MAP6D1: variants seen among roughly 807,000 people sequenced by gnomAD.
MAP6D1 encodes MAP6 domain containing 1, also known as MAP6 domain-containing protein 1.
Under a neutral mutation model 17.4 loss-of-function variants are expected in MAP6D1, and 13 were observed. The observed-to-expected ratio is 0.75, with a 90% CI of 0.49 to 1.19. The LOEUF is 1.19. Ranked by LOEUF, MAP6D1 falls within the 50% of genes most tolerant of loss-of-function variation. The pLI, the probability that MAP6D1 is intolerant of heterozygous loss-of-function variation, is 0.00. For synonymous variants in MAP6D1, 141 were observed against 145.7 expected (o/e 0.97, Z 0.23); for missense variants, 313 against 312.6 (o/e 1.00, Z -0.01).
Position 183,825,534 on chromosome 3 carries a change from C to A in MAP6D1, c.14G>T (p.Cys5Phe). 1 of 1,308,978 alleles carries A rather than the reference C, an allele frequency of 7.6e-7. No individual in the cohort carries two copies. The highest frequency in any genetic ancestry group is 9.7e-7 in the Non-Finnish European group (1 of 1,031,048). 81.1% of individuals were successfully genotyped at this position (1,308,978 alleles called of 1,614,324 possible). The change falls in exon 1 of 3, where the codon TGT becomes TTT. Residue 5 changes from cysteine (C) to phenylalanine (F), a missense_variant. Physicochemically the swap from Cys to Phe is radical, Grantham distance 205. Coordinates refer to ENST00000318631, the MANE Select transcript of MAP6D1 (RefSeq NM_024871.4). MAWP[C>F]ISRLCCLARR... is the part of the protein sequence containing the mutation. ...CGCCAGGCAGCACAGGCGGCTGATACAGGGCCACGCCATGCCAGCCCCGGC... is the reference window on the plus strand; with the variant it reads ...CGCCAGGCAGCACAGGCGGCTGATAAAGGGCCACGCCATGCCAGCCCCGGC...
chr3:183,818,594 G>A (rs1275035330), intron 1 of MAP6D1, among the ~76,000 whole-genome samples: 1 of 152,226 alleles, frequency 6.6e-6, no homozygotes, highest in East Asian at 1.9e-4. Flanking sequence ...CATGGTGACT[G>A]CTTATGCCTG....
In MAP6D1 at chr3:183,816,876, T is replaced by C. The variant is rs750252262; in HGVS notation, c.*480A>G. On this transcript the variant is annotated 3_prime_UTR_variant, in exon 3 of 3. Transcript: ENST00000318631. Reference sequence around the variant, plus strand: ...AGTCATGCAGGTGACGGCCCAAGATTCCAACAGCTTCAACTGCAGGGGCCA... The same window carrying C: ...AGTCATGCAGGTGACGGCCCAAGATCCCAACAGCTTCAACTGCAGGGGCCA... 38 of 164,586 alleles carry C rather than the reference T, an allele frequency of 2.3e-4. No homozygotes were observed. The highest frequency in any genetic ancestry group is 3.0e-3 in the Middle Eastern group (1 of 328). The allele number at this position is 164,586 out of a possible 1,614,324, so 10.2% of individuals were successfully genotyped here.
rs1420868676 is a variant in MAP6D1, at chr3:183,825,538, G to A, written c.10C>T (p.Pro4Ser). The change falls in exon 1 of 3, where the codon CCC becomes TCC. Residue 4 changes from proline (P) to serine (S), a missense_variant. Physicochemically the swap from Pro to Ser is moderately conservative, Grantham distance 74. Coordinates refer to ENST00000318631, the MANE Select transcript of MAP6D1 (RefSeq NM_024871.4). Reference protein sequence around the residue: MAWPCISRLCCLAR... With the variant: MAWSCISRLCCLAR... ...AGGCAGCACAGGCGGCTGATACAGGGCCACGCCATGCCAGCCCCGGCGCCC... is the reference window on the plus strand; with the variant it reads ...AGGCAGCACAGGCGGCTGATACAGGACCACGCCATGCCAGCCCCGGCGCCC... The A allele has an allele frequency of 1.6e-6, 2 of 1,247,060 alleles. No homozygotes were observed. Among genetic ancestry groups the A allele is most frequent in the Non-Finnish European group, 2.0e-6 (2 of 997,308 alleles). The allele number at this position is 1,247,060 out of a possible 1,614,324, so 77.2% of individuals were successfully genotyped here.
In MAP6D1 at chr3:183,818,028, G is replaced by A. The variant is rs200895198; in HGVS notation, c.485C>T (p.Ser162Leu). The stretch of plus-strand genomic sequence containing the variant: ...GGCCCCAGGGCTGCTGTCCCATCCC[G>A]AAGTGTGGGTTGTGATGACTCGGGC... The part of the protein sequence containing the change: ...KPARVITTHT[S>L]GWDSSPGAGF... Residue 162 changes from serine (S) to leucine (L), a missense_variant, in exon 2 of 3, where the codon TCG becomes TTG. By Grantham distance (145) the Ser-to-Leu change is moderately radical (BLOSUM62 -2). Transcript: ENST00000318631. 1.4e-5 allele frequency: 23 copies of A among 1,614,146 alleles called. No homozygotes were observed. Among genetic ancestry groups the A allele is most frequent in the East Asian group, 2.2e-5 (1 of 44,882 alleles).
At chr3:183,819,310 G>C (rs908259377) in intron 1 of MAP6D1, among the ~76,000 whole-genome samples, 1 of 152,262 alleles carries the variant, frequency 6.6e-6, no homozygotes, top group African/African-American at 2.4e-5. Flanking sequence ...AGCTTCTGAA[G>C]ACCAGCTGCC....
intron 1 of MAP6D1, among the ~76,000 whole-genome samples, chr3:183,820,763 C>G (rs1341511205): frequency 2.0e-5 from 3 of 151,830 alleles, no homozygotes; most frequent in Non-Finnish European, 4.4e-5. Flanking sequence ...AAAAATTAGC[C>G]AGGCATGGTG....
At chr3:183,823,037 C>T (rs1727295295) in intron 1 of MAP6D1, among the ~76,000 whole-genome samples, 1 of 152,234 alleles carries the variant, frequency 6.6e-6, no homozygotes, top group African/African-American at 2.4e-5. Context: ...GCTCTGTTGC[C>T]TAGGTGGAGT....
In MAP6D1 at chr3:183,818,050, G is replaced by T; in HGVS notation, c.463C>A (p.Arg155=). The T allele has an allele frequency of 1.2e-6, 2 of 1,614,114 alleles. No individual in the cohort carries two copies. The highest frequency in any genetic ancestry group is 1.3e-5 in the African/African-American group (1 of 75,020). The change falls in exon 2 of 3, where the codon CGA becomes AGA. Residue 155 remains arginine (R), a synonymous_variant. Transcript: ENST00000318631. ...PSRSTKTKPA[R]VITTHTSGWD... is the part of the protein sequence containing the mutation. The stretch of plus-strand genomic sequence containing the variant: ...CCCGAAGTGTGGGTTGTGATGACTC[G>T]GGCTGGTTTTGTCTTTGTGGATCTT...
chr3:183,823,962 G>C (rs1727314668), intron 1 of MAP6D1, among the ~76,000 whole-genome samples: 1 of 152,210 alleles, frequency 6.6e-6, no homozygotes. Flanking sequence ...GTGCTTATTT[G>C]AGCATATGTG....
rs1727358972 is a variant in MAP6D1, at chr3:183,825,243, G to GCGGAGGATTTGCC, written c.292_304dup (p.Ala102GlyfsTer87). 12 of 1,382,718 alleles carry GCGGAGGATTTGCC rather than the reference G, an allele frequency of 8.7e-6. No homozygotes were observed. Among genetic ancestry groups the GCGGAGGATTTGCC allele is most frequent in the Non-Finnish European group, 1.1e-5 (12 of 1,068,504 alleles). 85.7% of individuals were successfully genotyped at this position (1,382,718 alleles called of 1,614,324 possible). On this transcript the variant is annotated frameshift_variant, in exon 1 of 3. Transcript: ENST00000318631. LOFTEE classifies it high-confidence loss of function. ...GGGCGCAGGTGGCGCGGAGGACTGC[G>GCGGAGGATTTGCC]CGGAGGATTTGCCCCTGCGGCCGCC...
rs115714009 is a variant in MAP6D1, at chr3:183,818,197, A to G, written c.402-86T>C. The G allele has an allele frequency of 9.1e-3, 10,060 of 1,103,310 alleles. 664 individuals carry two copies. In the African/African-American group the frequency reaches 0.14, roughly 15 times the overall value. The allele number at this position is 1,103,310 out of a possible 1,614,324, so 68.3% of individuals were successfully genotyped here. ...CAGGGGCTGCTGCTCTGCCCCATGC[A>G]CGGCCCTGCCAATTGCTGAAACCCT... On this transcript the variant is annotated intron_variant, in intron 1 of 2. Coordinates refer to ENST00000318631, the MANE Select transcript of MAP6D1 (RefSeq NM_024871.4).
Position 183,825,537 on chromosome 3 carries a change from G to T in MAP6D1, c.11C>A (p.Pro4His). The change falls in exon 1 of 3, where the codon CCC becomes CAC. Residue 4 changes from proline (P) to histidine (H), a missense_variant. Pro to His is a moderately conservative substitution (Grantham distance 77). Coordinates refer to ENST00000318631, the MANE Select transcript of MAP6D1 (RefSeq NM_024871.4). Reference protein sequence around the residue: MAWPCISRLCCLAR... With the variant: MAWHCISRLCCLAR... ...CAGGCAGCACAGGCGGCTGATACAG[G>T]GCCACGCCATGCCAGCCCCGGCGCC... 1 of 1,279,672 alleles carries T rather than the reference G, an allele frequency of 7.8e-7. No individual in the cohort carries two copies. Among genetic ancestry groups the T allele is most frequent in the South Asian group, 2.6e-5 (1 of 38,316 alleles). The allele number at this position is 1,279,672 out of a possible 1,614,324, so 79.3% of individuals were successfully genotyped here.
chr3:183,822,859 C>A (rs1332774789), intron 1 of MAP6D1, among the ~76,000 whole-genome samples: 2 of 152,230 alleles, frequency 1.3e-5, no homozygotes, highest in Admixed American at 6.5e-5. Context: ...CAGAGCAGGG[C>A]AAGGGGTGGA....
chr3:183,823,284 A>G (rs1454435312), intron 1 of MAP6D1, among the ~76,000 whole-genome samples: 2 of 151,300 alleles, frequency 1.3e-5, no homozygotes, highest in East Asian at 4.1e-4. Flanking sequence ...GTGAGCCACC[A>G]TGCCTGGCTG....
intron 2 of MAP6D1, among the ~76,000 whole-genome samples, 161 bp downstream of exon 2, chr3:183,817,833 A>G (rs994914971): frequency 1.3e-5 from 2 of 152,218 alleles, no homozygotes; most frequent in African/African-American, 4.8e-5. Flanking sequence ...CCAGCTGGCT[A>G]CTGATGAGGA....
At chr3:183,820,850 T>C (rs186594029) in intron 1 of MAP6D1, among the ~76,000 whole-genome samples, 31 of 151,802 alleles carry the variant, frequency 2.0e-4, no homozygotes, top group Admixed American at 2.0e-3. Context: ...GAGGTTGCAG[T>C]GAGCCAAGGT....
At position 183,818,116 on chromosome 3, in the gene MAP6D1, A is replaced by G; in HGVS notation, c.402-5T>C. 1.9e-6 allele frequency: 3 copies of G among 1,612,236 alleles called. No individual in the cohort carries two copies. Among genetic ancestry groups the G allele is most frequent in the Non-Finnish European group, 2.5e-6 (3 of 1,178,350 alleles). On this transcript the variant is annotated splice_region_variant and splice_polypyrimidine_tract_variant and intron_variant, in intron 1 of 2. Coordinates refer to ENST00000318631, the MANE Select transcript of MAP6D1 (RefSeq NM_024871.4). ...GTCCAAGCCTGGAATTCCTGTCTGG[A>G]ACAGAGAACACGGTCACAAGCTTGC...
At position 183,825,166 on chromosome 3, in the gene MAP6D1, C is replaced by G; in HGVS notation, c.382G>C (p.Ala128Pro). The G allele has an allele frequency of 6.9e-7, 1 of 1,459,054 alleles. No homozygotes were observed. Among genetic ancestry groups the G allele is most frequent in the Non-Finnish European group, 9.1e-7 (1 of 1,103,230 alleles). 90.4% of individuals were successfully genotyped at this position (1,459,054 alleles called of 1,614,324 possible). A position where few individuals can be genotyped will look rare whatever the true frequency, so the allele number is the denominator to read the frequency against. Residue 128 changes from alanine to proline, a missense_variant, in exon 1 of 3, where the codon GCA (alanine) becomes CCA (proline). Physicochemically the swap from Ala to Pro is conservative, Grantham distance 27. Coordinates refer to ENST00000318631, the MANE Select transcript of MAP6D1 (RefSeq NM_024871.4). ...LPIGDADAAA[A>P]VTTSYRQEFQ... ...CCATACCTGTACGACGTGGTCACTG[C>G]TGCAGCCGCGTCCGCGTCGCCGATG...
intron 2 of MAP6D1, 107 bp downstream of exon 2, chr3:183,817,887 T>C (rs755688395): frequency 2.6e-5 from 23 of 883,052 alleles, no homozygotes; most frequent in Non-Finnish European, 4.0e-5. Flanking sequence ...GGCACTGCTG[T>C]CCCTGGTCAT....
Sources: gnomAD v4.1 joint callset for allele counts (sites outside exome capture counted in the v4.1 genomes callset) on GRCh38, gnomAD v4.1.1 for gene constraint, MANE v1.5 for transcripts, NCBI Gene and HGNC (gene_info 2026-07-23, HGNC 2026-07-21) for gene names.